Variants in DLAT observed in about 807,000 individuals in gnomAD.
The protein encoded by DLAT is dihydrolipoyllysine-residue acetyltransferase component of pyruvate dehydrogenase complex, mitochondrial.
Under a neutral mutation model 68.0 loss-of-function variants are expected in DLAT, and 43 were observed. That is an observed-to-expected ratio of 0.63 (90% CI 0.50 to 0.81). The LOEUF is 0.81. Ranked by LOEUF, DLAT falls within the 40% of genes least tolerant of loss-of-function variation. The probability of loss-of-function intolerance (pLI) is 0.00; values close to 1 mark genes in which losing one functional copy is unlikely to be tolerated. For missense variants in DLAT, 745 were observed against 815.4 expected (o/e 0.91, Z 1.05); for synonymous variants, 265 against 288.6 (o/e 0.92, Z 0.83).
At chr11:112,057,816 A>C (rs1398091952) in intron 11 of DLAT, among the ~76,000 whole-genome samples, 2 of 151,112 alleles carry the variant, frequency 1.3e-5, no homozygotes, top group African/African-American at 5.0e-5. Context: ...ATCAACATCA[A>C]GGCAAGATCT....
chr11:112,030,008 A>G, intron 4 of DLAT: 1 of 1,046,200 alleles, frequency 9.6e-7, no homozygotes, highest in Non-Finnish European at 1.5e-6. Context: ...ACTGACAGCC[A>G]TTTGTACTGG....
intron 5 of DLAT, 41 bp from the exon 6 acceptor site, chr11:112,037,232 G>GAAT: frequency 6.4e-7 from 1 of 1,570,806 alleles, no homozygotes. Context: ...AGGGATAGTG[G>GAAT]AATCTCTTAA....
chr11:112,039,543 A>T, intron 7 of DLAT, 146 bp downstream of exon 7: 1 of 890,962 alleles, frequency 1.1e-6, no homozygotes, highest in Admixed American at 2.1e-5. Flanking sequence ...GAAGGGAGAA[A>T]TAGTTCTTTT....
Position 112,026,184 on chromosome 11 carries a change from T to C in DLAT, c.280-14T>C. The C allele has an allele frequency of 6.3e-7, 1 of 1,597,116 alleles. No individual in the cohort carries two copies. Among genetic ancestry groups the C allele is most frequent in the Non-Finnish European group, 8.6e-7 (1 of 1,166,776 alleles). On this transcript the variant is annotated splice_polypyrimidine_tract_variant and intron_variant, in intron 1 of 13. Transcript: ENST00000280346. ...TCCTTAAAAATTTTAATGTTTCTTC[T>C]TTTCCTTTTCCAGGTTCCATTGCCT...
chr11:112,055,823 TCTC>T (rs1350443647), intron 11 of DLAT, among the ~76,000 whole-genome samples: 4 of 147,958 alleles, frequency 2.7e-5, no homozygotes, highest in Admixed American at 2.0e-4. Context: ...TTCCTTTAAT[TCTC>T]CTCTGTGCCA....
At chr11:112,037,713 A>G (rs901715089) in intron 6 of DLAT, among the ~76,000 whole-genome samples, 34 of 150,960 alleles carry the variant, frequency 2.3e-4, no homozygotes, top group African/African-American at 7.5e-4. Flanking sequence ...GCTGAGTGAC[A>G]TGTTCTCTTT....
At chr11:112,047,151 C>T (rs1486767751) in intron 10 of DLAT, among the ~76,000 whole-genome samples, 4 of 152,130 alleles carry the variant, frequency 2.6e-5, no homozygotes, top group East Asian at 1.9e-4. Context: ...TTTTAGTGAT[C>T]GCCATTGTAA....
intron 10 of DLAT, among the ~76,000 whole-genome samples, chr11:112,049,895 C>G (rs1257798487): frequency 6.6e-6 from 1 of 152,132 alleles, no homozygotes; most frequent in Non-Finnish European, 1.5e-5. Context: ...CCTTTCTTGC[C>G]TAATTGCTCT....
At chr11:112,029,207 A>T (rs1862261903) in intron 4 of DLAT, among the ~76,000 whole-genome samples, 1 of 152,184 alleles carries the variant, frequency 6.6e-6, no homozygotes. Context: ...ATTCAAGAAC[A>T]TTACATTACA....
At chr11:112,038,585 C>T (rs1357469385) in intron 6 of DLAT, among the ~76,000 whole-genome samples, 1 of 151,460 alleles carries the variant, frequency 6.6e-6, no homozygotes, top group East Asian at 2.0e-4. Flanking sequence ...TGGCTCATGC[C>T]AGTAATCCCA....
intron 2 of DLAT, among the ~76,000 whole-genome samples, chr11:112,028,108 T>C (rs1222246241): frequency 6.6e-6 from 1 of 152,196 alleles, no homozygotes; most frequent in Non-Finnish European, 1.5e-5. Flanking sequence ...GGATAAGTTG[T>C]CAGCAGCTGG....
At chr11:112,040,901 A>G (rs927607076) in intron 7 of DLAT, among the ~76,000 whole-genome samples, 1 of 151,702 alleles carries the variant, frequency 6.6e-6, no homozygotes, top group Non-Finnish European at 1.5e-5. Flanking sequence ...AAAATCCCTT[A>G]GGTATGAGCT....
intron 4 of DLAT, chr11:112,030,136 C>A: frequency 2.8e-6 from 2 of 713,486 alleles, no homozygotes; most frequent in Non-Finnish European, 5.1e-6. Context: ...TTAACAAAAT[C>A]TCCACCCTAA....
At chr11:112,028,411 T>G in intron 2 of DLAT, 104 bp from the exon 3 acceptor site, 2 of 1,307,942 alleles carry the variant, frequency 1.5e-6, no homozygotes, top group Non-Finnish European at 2.1e-6. Context: ...AGAATGAGAC[T>G]CTGTGTCTCA....
chr11:112,055,942 A>G (rs1278789824), intron 11 of DLAT, among the ~76,000 whole-genome samples: 7 of 123,084 alleles, frequency 5.7e-5, no homozygotes, highest in African/African-American at 2.2e-4. Flanking sequence ...ATCTCCGCTC[A>G]TTGCAACCTC....
In DLAT at chr11:112,045,237, G is replaced by C; in HGVS notation, c.1290+7G>C. 6.2e-7 allele frequency: 1 copy of C among 1,607,356 alleles called. No homozygotes were observed. Among genetic ancestry groups the C allele is most frequent in the East Asian group, 2.2e-5 (1 of 44,764 alleles). ...AATCAGCAACATTCGTCGGGTAAGAGAATTACCATCATCTGGAATCAGCTG... is the reference window on the plus strand; with the variant it reads ...AATCAGCAACATTCGTCGGGTAAGACAATTACCATCATCTGGAATCAGCTG... On this transcript the variant is annotated splice_region_variant and intron_variant, in intron 9 of 13. Transcript: ENST00000280346.
Position 112,025,515 on chromosome 11 carries a change from T to C in DLAT, c.43T>C (p.Trp15Arg). Residue 15 changes from tryptophan (W) to arginine (R), a missense_variant, in exon 1 of 14, where the codon TGG becomes CGG. Trp to Arg is a moderately radical substitution (Grantham distance 101, BLOSUM62 -3). Coordinates refer to ENST00000280346, the MANE Select transcript of DLAT (RefSeq NM_001931.5). The stretch of plus-strand genomic sequence containing the variant: ...GCGACGGGCTCAGAATGTAGCCCCA[T>C]GGGCGGGACTCGAGGCTCGGTGGAC... The part of the protein sequence containing the change: ...CARRAQNVAP[W>R]AGLEARWTAL... The C allele has an allele frequency of 6.2e-7, 1 of 1,613,718 alleles. No individual in the cohort carries two copies.
At chr11:112,036,229 T>C in intron 5 of DLAT, among the ~76,000 whole-genome samples, 1 of 103,420 alleles carries the variant, frequency 9.7e-6, no homozygotes, top group Admixed American at 1.1e-4. Context: ...TTTTTTTTTT[T>C]TGAGACGGAG....
rs781879611 is a variant in DLAT, at chr11:112,037,439, G to A, written c.954G>A (p.Val318=). 4 of 1,613,904 alleles carry A rather than the reference G, an allele frequency of 2.5e-6. No individual in the cohort carries two copies. Among genetic ancestry groups the A allele is most frequent in the Admixed American group, 1.7e-5 (1 of 59,990 alleles). ...PTEVTDLKPQ[V]PPPTPPPVAA... ...AAGTAACAGATTTAAAACCACAAGT[G>A]CCACCACCTACCCCACCCCCGGTAG... The change falls in exon 6 of 14, where the codon GTG becomes GTA. Residue 318 remains valine, a synonymous_variant. Transcript: ENST00000280346.
Sources: allele counts gnomAD v4.1 joint callset (sites outside exome capture counted in the v4.1 genomes callset), GRCh38; gene constraint gnomAD v4.1.1; transcripts MANE v1.5; gene names NCBI Gene and HGNC (gene_info 2026-07-23, HGNC 2026-07-21).